RTN2: variants seen among roughly 807,000 people sequenced by gnomAD.
RTN2 encodes reticulon-2.
A neutral mutation model predicts 63.7 loss-of-function variants in RTN2; 36 were observed. That is an observed-to-expected ratio of 0.56 (90% CI 0.43 to 0.75). The LOEUF is 0.75. Among genes scored for constraint, RTN2 ranks in the 30% least tolerant of loss-of-function variants. RTN2 has a pLI of 0.00. For synonymous variants in RTN2, 312 were observed against 313.0 expected (o/e 1.00, Z 0.03); for missense variants, 673 against 705.1 (o/e 0.95, Z 0.52).
At chr19:45,488,588 C>T (rs753283506) in intron 8 of RTN2, 49 bp downstream of exon 8, 1 of 1,612,600 alleles carries the variant, frequency 6.2e-7, no homozygotes, top group Non-Finnish European at 8.5e-7. Context: ...GCCCTGTCCC[C>T]CACCAGACTC....
rs1052244215 is a variant in RTN2, at chr19:45,485,620, G to T, written c.*88C>A. The T allele has an allele frequency of 1.5e-5, 16 of 1,063,384 alleles. No homozygotes were observed. Among genetic ancestry groups the T allele is most frequent in the Admixed American group, 1.7e-5 (1 of 58,032 alleles). 65.9% of individuals were successfully genotyped at this position (1,063,384 alleles called of 1,614,324 possible). A position where few individuals can be genotyped will look rare whatever the true frequency, so the allele number is the denominator to read the frequency against. ...CCGGGAAAAGGCTCGGGCCGAGGAG[G>T]GGGGTGGGTGGGAACGGACAAGAGA... On this transcript the variant is annotated 3_prime_UTR_variant, in exon 11 of 11. Coordinates refer to ENST00000245923, the MANE Select transcript of RTN2 (RefSeq NM_005619.5).
intron 1 of RTN2, among the ~76,000 whole-genome samples, chr19:45,496,219 A>G (rs2122231524): frequency 6.6e-6 from 1 of 152,280 alleles, no homozygotes; most frequent in Non-Finnish European, 1.5e-5. Flanking sequence ...GCTGGGGAAT[A>G]GGAGGCCTGG....
At chr19:45,492,973 G>C (rs1187904707) in intron 5 of RTN2, among the ~76,000 whole-genome samples, 187 bp downstream of exon 5, 3 of 152,220 alleles carry the variant, frequency 2.0e-5, no homozygotes, top group Non-Finnish European at 4.4e-5. Flanking sequence ...GTGCTGGCTC[G>C]AAGGAGAAGG....
At position 45,493,351 on chromosome 19, in the gene RTN2, G is replaced by T; in HGVS notation, c.842C>A (p.Ser281Ter). The T allele has an allele frequency of 1.9e-6, 3 of 1,609,886 alleles. No individual in the cohort carries two copies. The highest frequency in any genetic ancestry group is 2.5e-6 in the Non-Finnish European group (3 of 1,178,972). Residue 281 changes from serine to a stop codon, truncating the protein, a stop_gained, in exon 5 of 11, where the codon TCA becomes TAA. Transcript: ENST00000245923. LOFTEE classifies it high-confidence loss of function. ...CGTCTTGTAAACAGCCAAAAGCAAT[G>T]ATGTCTTTAACCATTCCATAGCTGT... ...LGTAMEWLKT[S>*]LLLAVYKTVP...
Position 45,494,088 on chromosome 19 carries a change from G to C in RTN2, c.814+78C>G. On this transcript the variant is annotated intron_variant, in intron 4 of 10. Coordinates refer to ENST00000245923, the MANE Select transcript of RTN2 (RefSeq NM_005619.5). This position sits in a 1 kb window ranked among gnomAD's most constrained non-coding sequence, Gnocchi z 5.3. ...CCACTATGTACTGTTCCTTTGCGAG[G>C]TTGGTCCCTTTAATTCAAAATCCTC... The C allele has an allele frequency of 3.2e-6, 5 of 1,557,046 alleles. No individual in the cohort carries two copies. The highest frequency in any genetic ancestry group is 4.3e-6 in the Non-Finnish European group (5 of 1,155,728).
At position 45,494,119 on chromosome 19, in the gene RTN2, T is replaced by G. The variant is rs763542425; in HGVS notation, c.814+47A>C. On this transcript the variant is annotated intron_variant, in intron 4 of 10. Coordinates refer to ENST00000245923, the MANE Select transcript of RTN2 (RefSeq NM_005619.5). This position sits in a 1 kb window ranked among gnomAD's most constrained non-coding sequence, Gnocchi z 5.3. ...CCCTTTAATTCAAAATCCTCTCACC[T>G]TTTGCCTTCTGTGGGCCAATGCAGC... is the stretch of plus-strand genomic sequence containing the variant. 1 of 1,588,062 alleles carries G rather than the reference T, an allele frequency of 6.3e-7. No homozygotes were observed. Among genetic ancestry groups the G allele is most frequent in the South Asian group, 1.1e-5 (1 of 90,106 alleles).
intron 1 of RTN2, 82 bp downstream of exon 1, chr19:45,496,710 G>C (rs945620083): frequency 4.1e-6 from 4 of 966,324 alleles, no homozygotes; most frequent in Middle Eastern, 4.5e-4. Context: ...GCTCTCCTGC[G>C]GGCAAGCGCC....
chr19:45,490,614 T>C (rs1250779783), intron 5 of RTN2, among the ~76,000 whole-genome samples: 1 of 151,936 alleles, frequency 6.6e-6, no homozygotes, highest in African/African-American at 2.4e-5. Flanking sequence ...TCTCGCTCTA[T>C]TGCCTAGGCT....
Position 45,488,927 on chromosome 19 carries a change from T to C in RTN2, c.1301A>G (p.Gln434Arg). The C allele has an allele frequency of 6.2e-7, 1 of 1,611,300 alleles. No homozygotes were observed. The highest frequency in any genetic ancestry group is 8.5e-7 in the Non-Finnish European group (1 of 1,179,002). ...TREQTERLSHQITSRVVSAAT... is the reference protein window; with the variant it reads ...TREQTERLSHRITSRVVSAAT... Reference sequence around the variant, plus strand: ...CGCCGAGACCACGCGGGAGGTGATCTGGTGGGACAAACGTTCCGTCTGCTC... The same window carrying C: ...CGCCGAGACCACGCGGGAGGTGATCCGGTGGGACAAACGTTCCGTCTGCTC... The change falls in exon 7 of 11, where the codon CAG becomes CGG. Residue 434 changes from glutamine to arginine, a missense_variant. Physicochemically the swap from Gln to Arg is conservative, Grantham distance 43. Transcript: ENST00000245923.
intron 5 of RTN2, among the ~76,000 whole-genome samples, chr19:45,491,527 G>A (rs923586533): frequency 7.1e-6 from 1 of 140,032 alleles, no homozygotes; most frequent in African/African-American, 2.6e-5. Flanking sequence ...TGCCTGGCCT[G>A]GCTAATTTTT....
In RTN2 at chr19:45,485,618, A is replaced by G; in HGVS notation, c.*90T>C. 1 of 1,018,156 alleles carries G rather than the reference A, an allele frequency of 9.8e-7. No homozygotes were observed. The highest frequency in any genetic ancestry group is 1.5e-6 in the Non-Finnish European group (1 of 663,670). 63.1% of individuals were successfully genotyped at this position (1,018,156 alleles called of 1,614,324 possible). A position where few individuals can be genotyped will look rare whatever the true frequency, so the allele number is the denominator to read the frequency against. ...CACCGGGAAAAGGCTCGGGCCGAGG[A>G]GGGGGGTGGGTGGGAACGGACAAGA... On this transcript the variant is annotated 3_prime_UTR_variant, in exon 11 of 11. Transcript: ENST00000245923.
chr19:45,485,727 G>T lies in RTN2; in HGVS notation c.1619C>A (p.Ser540Tyr). ...LASAAAAVSG[S>Y]KAKAE The stretch of plus-strand genomic sequence containing the variant: ...CCGTTCTCATTCGGCTTTGGCTTTG[G>T]ATCCGGAGACTGCGGCTGCTGCAGA... The change falls in exon 11 of 11, where the codon TCC becomes TAC. Residue 540 changes from serine to tyrosine, a missense_variant. Ser to Tyr is a moderately radical substitution (Grantham distance 144, BLOSUM62 -2). Transcript: ENST00000245923. 1 of 1,614,060 alleles carries T rather than the reference G, an allele frequency of 6.2e-7. No individual in the cohort carries two copies. The highest frequency in any genetic ancestry group is 8.5e-7 in the Non-Finnish European group (1 of 1,179,986).
chr19:45,490,825 C>T (rs1175167469), intron 5 of RTN2, among the ~76,000 whole-genome samples: 2 of 151,790 alleles, frequency 1.3e-5, no homozygotes, highest in African/African-American at 2.4e-5. Context: ...AATCCTCCCA[C>T]CTCGGCCTCC....
rs1420083691 is a variant in RTN2, at chr19:45,488,688, T to C, written c.1399A>G (p.Ile467Val). ...DSLKLALLFY[I>V]LTFVGAIFNG... The stretch of plus-strand genomic sequence containing the variant: ...AAGATGGCACCCACGAAGGTCAAGA[T>C]GTAGAAGAGGAGGGCCAGCTGGGGG... Residue 467 changes from isoleucine to valine, a missense_variant, in exon 8 of 11, where the codon ATC becomes GTC. Transcript: ENST00000245923. The C allele has an allele frequency of 1.2e-6, 2 of 1,613,778 alleles. No homozygotes were observed. Among genetic ancestry groups the C allele is most frequent in the South Asian group, 1.1e-5 (1 of 91,002 alleles).
At chr19:45,492,960 A>C (rs1968191974) in intron 5 of RTN2, among the ~76,000 whole-genome samples, 200 bp downstream of exon 5, 1 of 152,156 alleles carries the variant, frequency 6.6e-6, no homozygotes, top group African/African-American at 2.4e-5. Context: ...CCTGGGCCCC[A>C]AAGTGCTGGC....
In RTN2 at chr19:45,495,013, G is replaced by A. The variant is rs1258019580; in HGVS notation, c.80-8C>T. The A allele has an allele frequency of 4.3e-6, 7 of 1,614,010 alleles. No homozygotes were observed. Among genetic ancestry groups the A allele is most frequent in the Non-Finnish European group, 5.9e-6 (7 of 1,179,916 alleles). Reference sequence around the variant, plus strand: ...CAGAGTCGTCGTTCCCTCCTGCAGTGGGTGAAGGAGAGCCTTGTTTCCCTC... The same window carrying A: ...CAGAGTCGTCGTTCCCTCCTGCAGTAGGTGAAGGAGAGCCTTGTTTCCCTC... On this transcript the variant is annotated splice_region_variant and splice_polypyrimidine_tract_variant and intron_variant, in intron 2 of 10. Transcript: ENST00000245923.
intron 5 of RTN2, among the ~76,000 whole-genome samples, chr19:45,490,527 T>TTGTGTGTG (rs1374705450): frequency 2.6e-5 from 3 of 114,614 alleles, no homozygotes; most frequent in East Asian, 5.4e-4. Flanking sequence ...GGTGGACTGG[T>TTGTGTGTG]TGTGTGTCTG....
At position 45,494,929 on chromosome 19, in the gene RTN2, C is replaced by T. The variant is rs1968241647; in HGVS notation, c.156G>A (p.Thr52=). 2 of 1,613,668 alleles carry T rather than the reference C, an allele frequency of 1.2e-6. No homozygotes were observed. Among genetic ancestry groups the T allele is most frequent in the South Asian group, 1.1e-5 (1 of 91,078 alleles). ...EFSEEDEEET[T]SQDWGTPREL... ...CCCGGGGGGTGCCCCAGTCCTGCGA[C>T]GTGGTCTCCTCCTCGTCCTCCTCTG... The change falls in exon 3 of 11, where the codon ACG becomes ACA. Residue 52 remains threonine, a synonymous_variant. Coordinates refer to ENST00000245923, the MANE Select transcript of RTN2 (RefSeq NM_005619.5). The surrounding 1 kb of genome is among the most constrained non-coding windows in gnomAD (Gnocchi z 5.3).
intron 9 of RTN2, among the ~76,000 whole-genome samples, chr19:45,487,069 G>T (rs560965622): frequency 3.0e-4 from 26 of 85,376 alleles, no homozygotes; most frequent in African/African-American, 1.0e-3. Context: ...TTTAGATAGG[G>T]TCTTGCTCTG....
Sources: gnomAD v4.1 joint callset for allele counts (sites outside exome capture counted in the v4.1 genomes callset) on GRCh38, gnomAD v4.1.1 for gene constraint, Gnocchi (gnomAD v3.1) non-coding constraint, MANE v1.5 for transcripts, NCBI Gene and HGNC (gene_info 2026-07-23, HGNC 2026-07-21) for gene names.